The following NELL2 variants were observed in gnomAD, a reference collection of about 807,000 sequenced individuals.
NELL2 encodes neural EGFL like 2.
In NELL2, 41 loss-of-function variants were observed where a neutral mutation model predicts 109.6. The observed-to-expected ratio is 0.37, with a 90% confidence interval of 0.29 to 0.49. The LOEUF is 0.49. NELL2 is among the 20% of genes least tolerant of loss of function. The probability of loss-of-function intolerance (pLI) is 0.98; values close to 1 mark genes in which losing one functional copy is unlikely to be tolerated. For missense variants in NELL2, 900 were observed against 1,008.3 expected, an observed-to-expected ratio of 0.89 and a Z score of 1.45; for synonymous variants, 355 against 344.7, an observed-to-expected ratio of 1.03 and a Z score of -0.33.
chr12:44,637,375 C>T (rs776560793), intron 13 of NELL2, among the ~76,000 whole-genome samples: 6 of 150,314 alleles, frequency 4.0e-5, no homozygotes, highest in East Asian at 2.0e-4. Flanking sequence ...CTATGCTACA[C>T]GTTGGTTACA....
intron 15 of NELL2, among the ~76,000 whole-genome samples, chr12:44,598,163 CAAAAAAAAAAA>C (rs10538007): frequency 1.6e-5 from 2 of 122,902 alleles, no homozygotes; most frequent in East Asian, 4.5e-4. Flanking sequence ...TTTATTCTCT[CAAAAAAAAAAA>C]AAAAAAAAAC....
chr12:44,906,995 C>T (rs449107), intron 1 of NELL2, among the ~76,000 whole-genome samples: 3,694 of 152,032 alleles, frequency 0.024, 165 homozygotes, highest in African/African-American at 0.084. Flanking sequence ...AATTGAATCA[C>T]GCAGGTGGTT....
At chr12:44,773,378 C>T (rs925403960) in intron 9 of NELL2, among the ~76,000 whole-genome samples, 2 of 151,696 alleles carry the variant, frequency 1.3e-5, no homozygotes, top group Admixed American at 6.6e-5. Context: ...CAGGAGGCTG[C>T]GGCAGGAGAA....
intron 15 of NELL2, among the ~76,000 whole-genome samples, chr12:44,571,649 A>G (rs1943875386): frequency 1.3e-5 from 2 of 152,218 alleles, no homozygotes; most frequent in Admixed American, 6.5e-5. Context: ...CTGATATTTC[A>G]TATTTGGTAA....
chr12:44,679,846 C>T (rs1948438425), intron 12 of NELL2, among the ~76,000 whole-genome samples: 1 of 152,120 alleles, frequency 6.6e-6, no homozygotes, highest in Non-Finnish European at 1.5e-5. Flanking sequence ...TCAATTCCTA[C>T]ATAGTATCTT....
chr12:44,739,445 T>C (rs1009914503), intron 9 of NELL2, among the ~76,000 whole-genome samples: 1 of 152,192 alleles, frequency 6.6e-6, no homozygotes, highest in African/African-American at 2.4e-5. Context: ...GTTGACAAAC[T>C]ATGACCCAGA....
At chr12:44,764,895 G>T (rs1189397807) in intron 9 of NELL2, among the ~76,000 whole-genome samples, 1 of 151,530 alleles carries the variant, frequency 6.6e-6, no homozygotes, top group Non-Finnish European at 1.5e-5. Context: ...GGACAGTCAG[G>T]GATGCACACC....
chr12:44,775,115 A>G (rs146233473), intron 8 of NELL2, among the ~76,000 whole-genome samples: 65 of 151,506 alleles, frequency 4.3e-4, no homozygotes, highest in Admixed American at 2.6e-3. Context: ...TGACTTCACT[A>G]TACCACATTC....
chr12:44,745,205 T>C (rs1940262868), intron 9 of NELL2, among the ~76,000 whole-genome samples: 1 of 151,888 alleles, frequency 6.6e-6, no homozygotes, highest in Non-Finnish European at 1.5e-5. Flanking sequence ...ACAAAAACCA[T>C]GATTATCTCA....
At chr12:44,887,668 T>C (rs1351164110) in intron 1 of NELL2, among the ~76,000 whole-genome samples, 2 of 149,334 alleles carry the variant, frequency 1.3e-5, no homozygotes, top group African/African-American at 2.6e-5. Flanking sequence ...GTTGTTGTTG[T>C]TGTTGTTTTT....
At chr12:44,579,835 T>C (rs1944259639) in intron 15 of NELL2, among the ~76,000 whole-genome samples, 1 of 152,200 alleles carries the variant, frequency 6.6e-6, no homozygotes, top group African/African-American at 2.4e-5. Context: ...ATGCCTTTAT[T>C]ACCTCAATTA....
chr12:44,837,545 T>C (rs1944092480), intron 2 of NELL2, among the ~76,000 whole-genome samples: 1 of 152,226 alleles, frequency 6.6e-6, no homozygotes, highest in South Asian at 2.1e-4. Flanking sequence ...GATGAGCGTA[T>C]GACAGGTAGC....
At chr12:44,681,215 T>A (rs1270565910) in intron 12 of NELL2, among the ~76,000 whole-genome samples, 1 of 150,740 alleles carries the variant, frequency 6.6e-6, no homozygotes, top group Non-Finnish European at 1.5e-5. Context: ...TGTCTTTTCT[T>A]ATATTTTGTC....
intron 13 of NELL2, among the ~76,000 whole-genome samples, chr12:44,642,000 T>G (rs1041407293): frequency 1.8e-4 from 27 of 152,096 alleles, no homozygotes; most frequent in African/African-American, 6.0e-4. Flanking sequence ...CCCGGCCCAG[T>G]TTCTTCATTT....
At chr12:44,915,076 C>G (rs1053106402), upstream of NELL2, among the ~76,000 whole-genome samples, 56 of 152,104 alleles carry the variant, frequency 3.7e-4, 1 homozygote, top group Admixed American at 7.2e-4. Flanking sequence ...TTGTCTCAAT[C>G]TCCTGACCTC....
At chr12:44,911,283 T>G (rs1945776594) in intron 1 of NELL2, among the ~76,000 whole-genome samples, 1 of 151,996 alleles carries the variant, frequency 6.6e-6, no homozygotes, top group South Asian at 2.1e-4. Flanking sequence ...AATATGCAGG[T>G]TTTAGAAAAT....
In NELL2 at chr12:44,872,733, T is replaced by C. The variant is rs370040653; in HGVS notation, c.184+2492A>G. Among the ~76,000 whole-genome samples the C allele has an allele frequency of 2.0e-4, 31 of 152,322 alleles. 1 individual carries two copies. The East Asian group carries it at 6.0e-3, about 29-fold the overall frequency. ...ACATATCTGATAGCACAAAGAAACT[T>C]ATATGATAGGTTCATATGAAACCTG... On this transcript the variant is annotated intron_variant, in intron 2 of 19. Coordinates refer to ENST00000429094, the MANE Select transcript of NELL2 (RefSeq NM_001145108.2).
intron 3 of NELL2, among the ~76,000 whole-genome samples, chr12:44,804,785 G>C (rs1033072095): frequency 2.0e-5 from 3 of 151,780 alleles, no homozygotes; most frequent in Admixed American, 6.6e-5. Context: ...GCATATGAAT[G>C]TATGGTAGAT....
chr12:44,826,819 T>G (rs975327392), intron 2 of NELL2, among the ~76,000 whole-genome samples: 4 of 152,186 alleles, frequency 2.6e-5, no homozygotes, highest in African/African-American at 7.2e-5. Flanking sequence ...GCTTCCTATT[T>G]TACACAACAG....
Sources: gnomAD v4.1 joint callset for allele counts (sites outside exome capture counted in the v4.1 genomes callset) on GRCh38, gnomAD v4.1.1 for gene constraint, MANE v1.5 for transcripts, NCBI Gene and HGNC (gene_info 2026-07-23, HGNC 2026-07-21) for gene names.